TNR: variants seen among roughly 807,000 people sequenced by gnomAD.
TNR encodes the protein tenascin R.
In TNR, 45 loss-of-function variants were observed where a neutral mutation model predicts 150.4. The observed-to-expected ratio is 0.30, with a 90% CI of 0.24 to 0.38. TNR has a LOEUF of 0.38. Ranked by LOEUF, TNR falls within the 10% of genes least tolerant of loss-of-function variation. The pLI is 1.00. For synonymous variants in TNR, 687 were observed against 678.4 expected (o/e 1.01, Z -0.20); for missense variants, 1,544 against 1,759.1 (o/e 0.88, Z 2.19).
At chr1:175,353,857 T>TA (rs1052195673) in intron 18 of TNR, among the ~76,000 whole-genome samples, 4 of 151,706 alleles carry the variant, frequency 2.6e-5, no homozygotes, top group South Asian at 2.1e-4. Context: ...ATTTATTTTT[T>TA]TTTTTTGAGA....
chr1:175,389,830 A>G (rs901172909), intron 7 of TNR, among the ~76,000 whole-genome samples: 2 of 152,222 alleles, frequency 1.3e-5, no homozygotes, highest in African/African-American at 2.4e-5. Flanking sequence ...AACCTCAGCC[A>G]CCGGCCTTCT....
intron 2 of TNR, among the ~76,000 whole-genome samples, chr1:175,481,458 T>C (rs1171541498): frequency 6.6e-6 from 1 of 152,082 alleles, no homozygotes. Context: ...AAGACCCTCG[T>C]TGGAGGAATT....
At chr1:175,466,276 A>T (rs1357687966) in intron 2 of TNR, among the ~76,000 whole-genome samples, 2 of 152,160 alleles carry the variant, frequency 1.3e-5, no homozygotes, top group African/African-American at 2.4e-5. Context: ...TTCAAATCTC[A>T]TGTTCTAGTC....
chr1:175,606,285 T>A (rs539659138), intron 1 of TNR, among the ~76,000 whole-genome samples: 1 of 152,264 alleles, frequency 6.6e-6, no homozygotes, highest in East Asian at 1.9e-4. Flanking sequence ...CAAGCAGGGC[T>A]CAGTGGGCTG....
intron 1 of TNR, among the ~76,000 whole-genome samples, chr1:175,702,833 G>T (rs560340356): frequency 1.3e-5 from 2 of 152,292 alleles, no homozygotes; most frequent in Non-Finnish European, 2.9e-5. Flanking sequence ...ATATCTTTCT[G>T]CTCAGGGTAA....
chr1:175,657,024 T>C (rs1435024050), intron 1 of TNR, among the ~76,000 whole-genome samples: 1 of 151,902 alleles, frequency 6.6e-6, no homozygotes, highest in Non-Finnish European at 1.5e-5. Flanking sequence ...GGTAAAGTGG[T>C]AGATCCAGAA....
chr1:175,591,878 C>T (rs776383142), intron 1 of TNR, among the ~76,000 whole-genome samples: 1 of 152,166 alleles, frequency 6.6e-6, no homozygotes, highest in Non-Finnish European at 1.5e-5. Context: ...AAAGCTAGTG[C>T]AAAATTCACC....
intron 1 of TNR, among the ~76,000 whole-genome samples, chr1:175,611,956 T>A (rs1047888641): frequency 6.6e-6 from 1 of 151,996 alleles, no homozygotes; most frequent in Non-Finnish European, 1.5e-5. Flanking sequence ...CAGTTGAAAA[T>A]GTTTCCTTTT....
chr1:175,388,444 G>A (rs1240270906), intron 7 of TNR, among the ~76,000 whole-genome samples: 2 of 152,228 alleles, frequency 1.3e-5, no homozygotes, highest in African/African-American at 4.8e-5. Flanking sequence ...CTGCCTAGAA[G>A]AAGGCAGCCT....
At chr1:175,367,340 C>G in intron 9 of TNR, 43 bp from the exon 10 acceptor site, 1 of 1,561,970 alleles carries the variant, frequency 6.4e-7, no homozygotes. Flanking sequence ...GTGTATGGGG[C>G]AGGGCTAGGA....
intron 1 of TNR, among the ~76,000 whole-genome samples, chr1:175,575,311 G>A (rs1469957860): frequency 6.6e-6 from 1 of 152,218 alleles, no homozygotes; most frequent in Non-Finnish European, 1.5e-5. Context: ...AAGCCACTGA[G>A]CATTTGGGAG....
At chr1:175,632,086 G>A (rs1477103645) in intron 1 of TNR, among the ~76,000 whole-genome samples, 1 of 152,242 alleles carries the variant, frequency 6.6e-6, no homozygotes, top group Admixed American at 6.5e-5. Flanking sequence ...CCTTAGCTCT[G>A]TGGAAGATCT....
chr1:175,422,047 G>C (rs1469339156), intron 2 of TNR, among the ~76,000 whole-genome samples: 3 of 152,200 alleles, frequency 2.0e-5, no homozygotes, highest in African/African-American at 7.2e-5. Context: ...AAGAAATTGA[G>C]GTACAGAGTG....
intron 1 of TNR, among the ~76,000 whole-genome samples, chr1:175,645,467 C>A (rs536570098): frequency 6.6e-6 from 1 of 152,192 alleles, no homozygotes; most frequent in South Asian, 2.1e-4. Flanking sequence ...GAGAAGCAAA[C>A]ATTTTCTTGA....
intron 3 of TNR, 109 bp downstream of exon 3, chr1:175,406,107 G>A (rs935475453): frequency 7.7e-6 from 11 of 1,430,698 alleles, no homozygotes; most frequent in Admixed American, 2.3e-5. Flanking sequence ...GGGTTTTGCT[G>A]GGAGTGCGTT....
In TNR at chr1:175,353,451, G is replaced by A. The variant is rs144898425; in HGVS notation, c.3382+940C>T. Among the ~76,000 whole-genome samples, 702 of 152,276 alleles carry A rather than the reference G, an allele frequency of 4.6e-3. 5 individuals are homozygous for A. Among genetic ancestry groups the A allele is most frequent in the African/African-American group, 0.014 (576 of 41,560 alleles). ...GGAATTTTTTTTATCCTTTAGCAGCGTTTTTCAAGTATCTTCTGCTGACTT... is the reference window on the plus strand; with the variant it reads ...GGAATTTTTTTTATCCTTTAGCAGCATTTTTCAAGTATCTTCTGCTGACTT... On this transcript the variant is annotated intron_variant, in intron 18 of 22. Coordinates refer to ENST00000367674, the MANE Select transcript of TNR (RefSeq NM_003285.3).
chr1:175,725,332 A>G (rs1667448821), intron 1 of TNR, among the ~76,000 whole-genome samples: 1 of 152,202 alleles, frequency 6.6e-6, no homozygotes. Context: ...TTCCCATAGC[A>G]CTGTGGAATT....
chr1:175,728,211 G>T (rs7540054), intron 1 of TNR, among the ~76,000 whole-genome samples: 146 of 152,232 alleles, frequency 9.6e-4, no homozygotes, highest in African/African-American at 3.1e-3. Flanking sequence ...CCAGGGTGAG[G>T]CTATGGATGG....
chr1:175,381,913 T>C (rs1652697400), intron 8 of TNR, among the ~76,000 whole-genome samples: 2 of 152,224 alleles, frequency 1.3e-5, no homozygotes, highest in African/African-American at 4.8e-5. Context: ...TTGCTTTTTT[T>C]CTGCTCTTGA....
Sources: allele counts gnomAD v4.1 joint callset (sites outside exome capture counted in the v4.1 genomes callset), GRCh38; gene constraint gnomAD v4.1.1; transcripts MANE v1.5; gene names NCBI Gene and HGNC (gene_info 2026-07-23, HGNC 2026-07-21).